Variants in SUPT3H observed in about 807,000 individuals in gnomAD.
The protein encoded by SUPT3H is transcription initiation protein SPT3 homolog.
Under a neutral mutation model 44.3 loss-of-function variants are expected in SUPT3H, and 44 were observed. That is an observed-to-expected ratio of 0.99 (90% CI 0.78 to 1.28). The LOEUF (loss-of-function observed/expected upper bound fraction) is 1.28, where lower values mean the gene tolerates loss of function less well. Among genes scored for constraint, SUPT3H ranks in the 50% most tolerant of loss-of-function variants. The pLI is 0.00. For synonymous variants in SUPT3H, 124 were observed against 125.6 expected (o/e 0.99, Z 0.09); for missense variants, 380 against 387.1 (o/e 0.98, Z 0.15).
At chr6:45,038,395 TAACACCCACCAACA>T (rs1788001803) in intron 3 of SUPT3H, among the ~76,000 whole-genome samples, 1 of 152,204 alleles carries the variant, frequency 6.6e-6, no homozygotes, top group Non-Finnish European at 1.5e-5. Context: ...GCTGTGTGTC[TAACACCCACCAACA>T]GCTCACAATG....
chr6:45,351,759 A>G (rs1029954832), intron 2 of SUPT3H, among the ~76,000 whole-genome samples: 1 of 152,062 alleles, frequency 6.6e-6, no homozygotes, highest in Non-Finnish European at 1.5e-5. Flanking sequence ...CCAACATCTC[A>G]AATTTCAATA....
intron 2 of SUPT3H, among the ~76,000 whole-genome samples, chr6:45,233,113 C>T (rs889604966): frequency 1.3e-5 from 2 of 152,148 alleles, no homozygotes; most frequent in African/African-American, 4.8e-5. Context: ...AAATTACGCG[C>T]TTTAGTTTTC....
intron 10 of SUPT3H, among the ~76,000 whole-genome samples, chr6:44,870,982 G>C (rs923621101): frequency 9.9e-5 from 15 of 151,376 alleles, no homozygotes; most frequent in African/African-American, 3.6e-4. Flanking sequence ...TCCCACACCT[G>C]GCTCAGAGGG....
At chr6:44,841,489 C>T (rs959642543) in intron 10 of SUPT3H, among the ~76,000 whole-genome samples, 3 of 152,170 alleles carry the variant, frequency 2.0e-5, no homozygotes, top group African/African-American at 7.2e-5. Flanking sequence ...ATAGGAGGTG[C>T]TGTACTTCTC....
intron 2 of SUPT3H, among the ~76,000 whole-genome samples, chr6:45,183,794 G>A (rs1797162): frequency 0.029 from 4,475 of 152,170 alleles, 91 homozygotes; most frequent in Non-Finnish European, 0.047. Flanking sequence ...AACCTTAAAC[G>A]TACCTTGCTA....
chr6:44,993,745 T>C (rs1459302732), intron 6 of SUPT3H, among the ~76,000 whole-genome samples: 1 of 152,156 alleles, frequency 6.6e-6, no homozygotes, highest in Admixed American at 6.6e-5. Flanking sequence ...TTTCTACTAA[T>C]ACTCCCTTCA....
intron 2 of SUPT3H, among the ~76,000 whole-genome samples, chr6:45,120,378 A>C (rs144678200): frequency 7.4e-6 from 1 of 135,146 alleles, no homozygotes; most frequent in East Asian, 2.5e-4. Flanking sequence ...TGAGCACAAG[A>C]GTTTAAATCC....
At chr6:45,332,674 G>A (rs1304996166) in intron 2 of SUPT3H, among the ~76,000 whole-genome samples, 1 of 151,722 alleles carries the variant, frequency 6.6e-6, no homozygotes, top group Admixed American at 6.6e-5. Flanking sequence ...AGGATTCACC[G>A]AAACAGTCTA....
rs79610435 is a variant in SUPT3H at position 45,085,308 on chromosome 6, T to G, written c.186+20614A>C. ...CTCTATGCACCCAGAAACAAAGTAT[T>G]TATATACATTTTTGCTATTGCTGGA... On this transcript the variant is annotated intron_variant, in intron 3 of 10. Coordinates refer to ENST00000371459, the MANE Select transcript of SUPT3H (RefSeq NM_003599.4). Among the ~76,000 whole-genome samples, 249 of 152,232 alleles carry G rather than the reference T, an allele frequency of 1.6e-3. 3 individuals are homozygous for G. The highest frequency in any genetic ancestry group is 5.7e-3 in the African/African-American group (238 of 41,548).
intron 10 of SUPT3H, among the ~76,000 whole-genome samples, chr6:44,881,890 T>G (rs534587512): frequency 2.8e-4 from 43 of 152,174 alleles, no homozygotes; most frequent in Middle Eastern, 3.4e-3. Context: ...AAAGCAGTGA[T>G]TAGAGGGAAA....
At chr6:45,305,985 A>G (rs1782930633) in intron 2 of SUPT3H, among the ~76,000 whole-genome samples, 1 of 152,252 alleles carries the variant, frequency 6.6e-6, no homozygotes. Flanking sequence ...CTAATTCTGC[A>G]TATACCTGTA....
chr6:45,147,280 A>C (rs553100853), intron 2 of SUPT3H, among the ~76,000 whole-genome samples: 1 of 152,266 alleles, frequency 6.6e-6, no homozygotes, highest in Non-Finnish European at 1.5e-5. Context: ...AAAAAGAAAA[A>C]GAAATATGAA....
At chr6:45,037,319 G>A (rs1035143625) in intron 3 of SUPT3H, among the ~76,000 whole-genome samples, 2 of 151,638 alleles carry the variant, frequency 1.3e-5, no homozygotes, top group Admixed American at 1.3e-4. Context: ...AAAAAGAAAA[G>A]AAGAGACTAT....
At chr6:45,057,427 T>A (rs558718103) in intron 3 of SUPT3H, among the ~76,000 whole-genome samples, 2 of 152,044 alleles carry the variant, frequency 1.3e-5, no homozygotes, top group Admixed American at 1.3e-4. Flanking sequence ...AATTGGAACA[T>A]AGAAGGTATT....
At chr6:45,293,662 C>T (rs1488125300) in intron 2 of SUPT3H, among the ~76,000 whole-genome samples, 1 of 152,102 alleles carries the variant, frequency 6.6e-6, no homozygotes, top group African/African-American at 2.4e-5. Context: ...GAAATTACAA[C>T]TGACGCCAAA....
chr6:45,315,355 T>A (rs1584875396), intron 2 of SUPT3H, among the ~76,000 whole-genome samples: 1 of 151,820 alleles, frequency 6.6e-6, no homozygotes, highest in East Asian at 1.9e-4. Context: ...ACCCACAGAG[T>A]TGGAGAAAAT....
At position 45,151,463 on chromosome 6, in the gene SUPT3H, A is replaced by C. The variant is rs538407371; in HGVS notation, c.102-45457T>G. Among the ~76,000 whole-genome samples, 13 of 152,300 alleles carry C rather than the reference A, an allele frequency of 8.5e-5. No individual in the cohort carries two copies. The South Asian group carries it at 2.5e-3, about 29-fold the overall frequency. ...ATCTGTAATTAAGATTGCTCATATC[A>C]AACTGATATTCTTAGAAATATGTAG... On this transcript the variant is annotated intron_variant, in intron 2 of 10. Transcript: ENST00000371459.
At chr6:44,818,882 A>G (rs2153404926) in intron 11 of SUPT3H, among the ~76,000 whole-genome samples, 1 of 152,364 alleles carries the variant, frequency 6.6e-6, no homozygotes, top group Middle Eastern at 3.4e-3. Context: ...GGAGTGCCAT[A>G]TGGTACATCT....
chr6:44,865,161 C>G (rs1015104327), intron 10 of SUPT3H, among the ~76,000 whole-genome samples: 2 of 152,218 alleles, frequency 1.3e-5, no homozygotes, highest in African/African-American at 2.4e-5. Context: ...CAGTTCCCAA[C>G]AAGTTCCTCA....
Sources: allele counts gnomAD v4.1 joint callset (sites outside exome capture counted in the v4.1 genomes callset), GRCh38; gene constraint gnomAD v4.1.1; transcripts MANE v1.5; gene names NCBI Gene and HGNC (gene_info 2026-07-23, HGNC 2026-07-21).